Variants in XPR1 observed in about 807,000 individuals in gnomAD.
XPR1 encodes solute carrier family 53 member 1.
Under a neutral mutation model 87.5 loss-of-function variants are expected in XPR1, and 28 were observed. That is an observed-to-expected ratio of 0.32 (90% CI 0.24 to 0.44). The LOEUF (loss-of-function observed/expected upper bound fraction) is 0.44, where lower values mean the gene tolerates loss of function less well. Ranked by LOEUF, XPR1 falls within the 20% of genes least tolerant of loss-of-function variation. The pLI, the probability that XPR1 is intolerant of heterozygous loss-of-function variation, is 1.00. For synonymous variants in XPR1, 300 were observed against 306.1 expected (o/e 0.98, Z 0.21); for missense variants, 559 against 862.3 (o/e 0.65, Z 4.41).
intron 7 of XPR1, among the ~76,000 whole-genome samples, chr1:180,817,034 A>T (rs150169403): frequency 6.6e-6 from 1 of 152,296 alleles, no homozygotes; most frequent in East Asian, 1.9e-4. Context: ...GATTCTGATC[A>T]TGTGTAGGCC....
chr1:180,710,306 G>T (rs958963464), intron 2 of XPR1, among the ~76,000 whole-genome samples: 27 of 151,706 alleles, frequency 1.8e-4, no homozygotes, highest in Non-Finnish European at 7.4e-5. Flanking sequence ...AGATAAACAA[G>T]TGAACAAAGG....
intron 1 of XPR1, among the ~76,000 whole-genome samples, chr1:180,638,377 T>G (rs1654855992): frequency 6.6e-6 from 1 of 152,208 alleles, no homozygotes; most frequent in Non-Finnish European, 1.5e-5. Flanking sequence ...TTTGCCCAAC[T>G]TGTACAGATT....
At chr1:180,636,344 A>G (rs917403782) in intron 1 of XPR1, among the ~76,000 whole-genome samples, 3 of 152,242 alleles carry the variant, frequency 2.0e-5, no homozygotes, top group Admixed American at 1.3e-4. Flanking sequence ...AAAGTATAGT[A>G]TAGTGTGTTT....
At chr1:180,822,658 T>C (rs1013715463) in intron 7 of XPR1, among the ~76,000 whole-genome samples, 7 of 152,222 alleles carry the variant, frequency 4.6e-5, no homozygotes, top group Admixed American at 2.0e-4. Context: ...TAATATATAC[T>C]GAATACTCAT....
intron 1 of XPR1, among the ~76,000 whole-genome samples, chr1:180,677,014 T>C (rs12090165): frequency 0.043 from 6,547 of 152,262 alleles, 503 homozygotes; most frequent in African/African-American, 0.15. Flanking sequence ...AAATGTGTTA[T>C]CTTTTTTGTG....
chr1:180,887,088 CT>C lies in XPR1; in HGVS notation c.*3024del, dbSNP rs1653035958. 6.6e-6 allele frequency: 1 copy of C among 152,284 alleles called. No individual in the cohort carries two copies. The highest frequency in any genetic ancestry group is 6.5e-5 in the Admixed American group (1 of 15,286). The allele number at this position is 152,284 out of a possible 1,614,324, so 9.4% of individuals were successfully genotyped here. A position where few individuals can be genotyped will look rare whatever the true frequency, so the allele number is the denominator to read the frequency against. ...TCAGGAGACTGAGGCAGGAGAATTG[CT>C]TAAACCTGGGAAGCAGAGGTTGCAG... On this transcript the variant is annotated 3_prime_UTR_variant, in exon 15 of 15. Transcript: ENST00000367590.
chr1:180,768,205 C>T (rs113967257), intron 2 of XPR1, among the ~76,000 whole-genome samples: 2,159 of 151,866 alleles, frequency 0.014, 40 homozygotes, highest in African/African-American at 0.05. Flanking sequence ...TGACCTAAAA[C>T]TAAGATTTAC....
chr1:180,771,450 A>G (rs1158670525), intron 2 of XPR1, among the ~76,000 whole-genome samples: 1 of 152,210 alleles, frequency 6.6e-6, no homozygotes, highest in Non-Finnish European at 1.5e-5. Flanking sequence ...TAGTGCAATT[A>G]CCAGAACTAG....
At chr1:180,732,554 C>G (rs1244034016) in intron 2 of XPR1, among the ~76,000 whole-genome samples, 1 of 152,038 alleles carries the variant, frequency 6.6e-6, no homozygotes, top group African/African-American at 2.4e-5. Flanking sequence ...TCCTGTGTCC[C>G]CCTCACAGGG....
chr1:180,816,183 G>T (rs948851948), intron 7 of XPR1, among the ~76,000 whole-genome samples: 1 of 152,168 alleles, frequency 6.6e-6, no homozygotes, highest in Admixed American at 6.5e-5. Context: ...CTGGGCTGGC[G>T]GGTAGGAGAG....
intron 2 of XPR1, among the ~76,000 whole-genome samples, chr1:180,709,675 A>G (rs6677681): frequency 0.35 from 52,623 of 152,026 alleles, 9,532 homozygotes; most frequent in Non-Finnish European, 0.39. Context: ...GTCTTCACCA[A>G]TACTTGGTAT....
At chr1:180,698,627 A>T (rs566161726) in intron 2 of XPR1, among the ~76,000 whole-genome samples, 46 of 152,126 alleles carry the variant, frequency 3.0e-4, no homozygotes, top group African/African-American at 7.9e-4. Context: ...GTGTGTTTTC[A>T]TGATGGTAGA....
At chr1:180,876,413 A>G (rs1652665741) in intron 13 of XPR1, among the ~76,000 whole-genome samples, 3 of 152,208 alleles carry the variant, frequency 2.0e-5, no homozygotes. Flanking sequence ...AGGTGAGTGG[A>G]TCATTTGAGG....
At chr1:180,777,490 T>A (rs1648768205) in intron 2 of XPR1, among the ~76,000 whole-genome samples, 1 of 152,208 alleles carries the variant, frequency 6.6e-6, no homozygotes, top group Non-Finnish European at 1.5e-5. Context: ...TTTATTTTGC[T>A]TATCGCTGTA....
chr1:180,817,625 CTG>C (rs1477253291), intron 7 of XPR1, among the ~76,000 whole-genome samples: 1 of 152,156 alleles, frequency 6.6e-6, no homozygotes, highest in Non-Finnish European at 1.5e-5. Context: ...GCTCACATAA[CTG>C]TAAGTAATGA....
At chr1:180,662,311 G>C (rs12087562) in intron 1 of XPR1, among the ~76,000 whole-genome samples, 6,548 of 151,830 alleles carry the variant, frequency 0.043, 502 homozygotes, top group African/African-American at 0.15. Flanking sequence ...TTTTTATTTT[G>C]TTATTCCAGA....
chr1:180,668,604 T>A (rs1469449227), intron 1 of XPR1, among the ~76,000 whole-genome samples: 6 of 152,198 alleles, frequency 3.9e-5, no homozygotes, highest in Admixed American at 3.9e-4. Context: ...ATGTTGTGTT[T>A]TTATTTTCAT....
chr1:180,808,474 AC>A (rs1325923168), intron 6 of XPR1, among the ~76,000 whole-genome samples: 9 of 152,126 alleles, frequency 5.9e-5, no homozygotes, highest in Non-Finnish European at 1.3e-4. Context: ...AAATTAAAAA[AC>A]GTATGCTCTT....
rs573277943 is a variant in XPR1, at chr1:180,744,412, G to C, written c.122-43341G>C. ...CTTTCTATTCCTTTCAAGAATATTT[G>C]CCCTTCCTTGGTGAAGCATTTTAAT... On this transcript the variant is annotated intron_variant, in intron 2 of 14. Coordinates refer to ENST00000367590, the MANE Select transcript of XPR1 (RefSeq NM_004736.4). Among the ~76,000 whole-genome samples the C allele has an allele frequency of 4.0e-5, 6 of 151,570 alleles. No homozygotes were observed. In the East Asian group the frequency reaches 1.2e-3, roughly 29 times the overall value.
Sources: gnomAD v4.1 joint callset for allele counts (sites outside exome capture counted in the v4.1 genomes callset) on GRCh38, gnomAD v4.1.1 for gene constraint, MANE v1.5 for transcripts, NCBI Gene and HGNC (gene_info 2026-07-23, HGNC 2026-07-21) for gene names.